The following AGFG1 variants were observed in gnomAD, a reference collection of about 807,000 sequenced individuals.
The protein encoded by AGFG1 is ArfGAP with FG repeats 1.
Under a neutral mutation model 60.6 loss-of-function variants are expected in AGFG1, and 10 were observed. That is an observed-to-expected ratio of 0.16 (90% CI 0.10 to 0.28). The LOEUF (loss-of-function observed/expected upper bound fraction) is 0.28, where lower values mean the gene tolerates loss of function less well. AGFG1 is among the 10% of genes least tolerant of loss of function. AGFG1 has a pLI of 1.00. For missense variants in AGFG1, 537 were observed against 676.5 expected (o/e 0.79, Z 2.29); for synonymous variants, 247 against 242.9 (o/e 1.02, Z -0.16).
chr2:227,552,133 T>G lies in AGFG1; in HGVS notation c.1537+16T>G, dbSNP rs773322022. On this transcript the variant is annotated intron_variant, in intron 11 of 12. Transcript: ENST00000310078. ...CAGCCCAATGGTAAGATCTAACATT[T>G]GGCGAGCTGTAAGTTCATTTTATGT... 1 of 1,613,956 alleles carries G rather than the reference T, an allele frequency of 6.2e-7. No homozygotes were observed. The highest frequency in any genetic ancestry group is 2.2e-5 in the East Asian group (1 of 44,880).
intron 10 of AGFG1, among the ~76,000 whole-genome samples, chr2:227,542,147 G>A (rs199610946): frequency 1.6e-4 from 24 of 152,198 alleles, no homozygotes; most frequent in East Asian, 9.7e-4. Context: ...TTGAATACCC[G>A]TTATTTTTTT....
rs1693010721 is a variant in AGFG1, at chr2:227,557,565, A to G, written c.*3070A>G. ...ATCTCTGAGAATTTATTGTATTAAA[A>G]TTAATACTGAGATATTTTTAAAACA... On this transcript the variant is annotated 3_prime_UTR_variant, in exon 13 of 13. Transcript: ENST00000310078. 6.8e-6 allele frequency: 1 copy of G among 148,008 alleles called. No individual in the cohort carries two copies. The highest frequency in any genetic ancestry group is 1.5e-5 in the Non-Finnish European group (1 of 67,154). 9.2% of individuals were successfully genotyped at this position (148,008 alleles called of 1,614,324 possible).
chr2:227,508,246 A>G (rs1302328484), intron 2 of AGFG1: 2 of 156,854 alleles, frequency 1.3e-5, no homozygotes, highest in East Asian at 3.7e-4. Context: ...ACAATAGAGT[A>G]TCAGTACAAA....
intron 10 of AGFG1, among the ~76,000 whole-genome samples, chr2:227,549,349 C>G (rs888451647): frequency 6.6e-6 from 1 of 152,098 alleles, no homozygotes; most frequent in Non-Finnish European, 1.5e-5. Context: ...ATTGTTAAAC[C>G]GAACAAACAA....
At chr2:227,518,063 C>T (rs182623151) in intron 2 of AGFG1, among the ~76,000 whole-genome samples, 10 of 152,236 alleles carry the variant, frequency 6.6e-5, no homozygotes, top group Admixed American at 5.9e-4. Context: ...GCAGTATATA[C>T]GTTTTGGTGG....
At position 227,540,538 on chromosome 2, in the gene AGFG1, T is replaced by C. The variant is rs1053906225; in HGVS notation, c.1378+3545T>C. ...AAGGACATGAACTCATCCTTTTTTA[T>C]GGCTGCATAGTATTCCATGGTGTAT... On this transcript the variant is annotated intron_variant, in intron 10 of 12. Coordinates refer to ENST00000310078, the MANE Select transcript of AGFG1 (RefSeq NM_004504.5). Among the ~76,000 whole-genome samples, 3 of 152,240 alleles carry C rather than the reference T, an allele frequency of 2.0e-5. No homozygotes were observed. In the East Asian group the frequency reaches 5.8e-4, roughly 29 times the overall value.
intron 1 of AGFG1, among the ~76,000 whole-genome samples, chr2:227,482,014 C>T (rs555247900): frequency 1.8e-4 from 27 of 151,954 alleles, no homozygotes; most frequent in Non-Finnish European, 3.1e-4. Context: ...TACAGGCGCC[C>T]GCCACCTTGC....
At position 227,524,835 on chromosome 2, in the gene AGFG1, C is replaced by T; in HGVS notation, c.614C>T (p.Ser205Leu). Residue 205 changes from serine to leucine, a missense_variant, in exon 5 of 13, where the codon TCA (serine) becomes TTA (leucine). Physicochemically the swap from Ser to Leu is moderately radical, Grantham distance 145 (BLOSUM62 -2). This residue lies in a region of AGFG1 where 102 missense variants were observed against 82.9 expected (regional missense o/e 1.23). Coordinates refer to ENST00000310078, the MANE Select transcript of AGFG1 (RefSeq NM_004504.5). ...KQFDLLSDLG[S>L]DIFAAPAPQS... The stretch of plus-strand genomic sequence containing the variant: ...TTTGACCTTTTAAGTGATCTCGGCT[C>T]AGACATCTTTGCTGCTCCAGCTCCT... The T allele has an allele frequency of 6.2e-7, 1 of 1,614,142 alleles. No individual in the cohort carries two copies. The highest frequency in any genetic ancestry group is 8.5e-7 in the Non-Finnish European group (1 of 1,179,996).
chr2:227,480,060 T>C (rs553753559), intron 1 of AGFG1, among the ~76,000 whole-genome samples: 1 of 152,340 alleles, frequency 6.6e-6, no homozygotes, highest in South Asian at 2.1e-4. Flanking sequence ...TTGCTTGTTT[T>C]AAGAGGAATG....
intron 8 of AGFG1, among the ~76,000 whole-genome samples, chr2:227,535,756 A>C (rs1692290063): frequency 6.6e-6 from 1 of 152,144 alleles, no homozygotes; most frequent in African/African-American, 2.4e-5. Flanking sequence ...CTAGAAAGAA[A>C]TGTTAGGATT....
chr2:227,506,559 A>T (rs1229098694), intron 2 of AGFG1, among the ~76,000 whole-genome samples: 2 of 13,430 alleles, frequency 1.5e-4, no homozygotes, highest in Non-Finnish European at 3.0e-4. Context: ...GATGTTCCTT[A>T]AAAAAAAAAA....
chr2:227,497,740 T>TTTTTTTG (rs1691025077), intron 2 of AGFG1, among the ~76,000 whole-genome samples: 1 of 112,708 alleles, frequency 8.9e-6, no homozygotes, highest in Non-Finnish European at 1.8e-5. Flanking sequence ...GTTTTGTTTT[T>TTTTTTTG]TTTTTTTTTT....
chr2:227,496,437 G>C (rs1309453359), intron 2 of AGFG1, among the ~76,000 whole-genome samples: 1 of 75,392 alleles, frequency 1.3e-5, no homozygotes, highest in Middle Eastern at 5.2e-3. Context: ...GCGAGACTCC[G>C]TCTCAAAAAA....
chr2:227,533,468 AG>A, intron 6 of AGFG1, 80 bp from the exon 7 acceptor site: 5 of 1,214,682 alleles, frequency 4.1e-6, no homozygotes, highest in South Asian at 1.3e-5. Flanking sequence ...CATTTAATTT[AG>A]GAAGAAATGA....
intron 1 of AGFG1, among the ~76,000 whole-genome samples, chr2:227,477,538 A>G (rs1690322094): frequency 6.6e-6 from 1 of 152,174 alleles, no homozygotes; most frequent in African/African-American, 2.4e-5. Flanking sequence ...TGAATTCTAT[A>G]TTTTGGGGAT....
rs1692996132 is a variant in AGFG1 at position 227,557,194 on chromosome 2, T to A, written c.*2699T>A. On this transcript the variant is annotated 3_prime_UTR_variant, in exon 13 of 13. Transcript: ENST00000310078. Reference sequence around the variant, plus strand: ...TTCAGGTATCTGCAGATATCCCTGTTCAGGAAAGATCTTTTTTCAGGATGG... The same window carrying A: ...TTCAGGTATCTGCAGATATCCCTGTACAGGAAAGATCTTTTTTCAGGATGG... The A allele has an allele frequency of 6.6e-6, 1 of 152,222 alleles. No homozygotes were observed. The highest frequency in any genetic ancestry group is 1.5e-5 in the Non-Finnish European group (1 of 68,034). The allele number at this position is 152,222 out of a possible 1,614,324, so 9.4% of individuals were successfully genotyped here.
intron 2 of AGFG1, among the ~76,000 whole-genome samples, chr2:227,496,451 A>AT (rs1274923778): frequency 1.3e-5 from 2 of 151,488 alleles, no homozygotes; most frequent in Non-Finnish European, 2.9e-5. Flanking sequence ...CAAAAAAAAA[A>AT]AATAAATAAA....
intron 12 of AGFG1, 149 bp from the exon 13 acceptor site, chr2:227,554,287 G>T: frequency 1.5e-6 from 1 of 660,210 alleles, no homozygotes. Flanking sequence ...ATAGCTTATT[G>T]CCAATAACAA....
chr2:227,547,224 A>G (rs1188146136), intron 10 of AGFG1, among the ~76,000 whole-genome samples: 2 of 152,218 alleles, frequency 1.3e-5, no homozygotes, highest in African/African-American at 4.8e-5. Context: ...GATTAATACA[A>G]AAAAGGGTTG....
Sources: allele counts gnomAD v4.1 joint callset (sites outside exome capture counted in the v4.1 genomes callset), GRCh38; gene constraint gnomAD v4.1.1; regional missense constraint gnomAD v4.1.1; transcripts MANE v1.5; gene names NCBI Gene and HGNC (gene_info 2026-07-23, HGNC 2026-07-21).